The following PARD3B variants were observed in gnomAD, a reference collection of about 807,000 sequenced individuals.
PARD3B encodes the protein par-3 family cell polarity regulator beta.
Under a neutral mutation model 130.2 loss-of-function variants are expected in PARD3B, and 103 were observed. That is an observed-to-expected ratio of 0.79 (90% CI 0.67 to 0.93). The LOEUF (loss-of-function observed/expected upper bound fraction) is 0.93. Among genes scored for constraint, PARD3B ranks in the 40% least tolerant of loss-of-function variants. The pLI is 0.00. For missense variants in PARD3B, 1,609 were observed against 1,499.2 expected, an observed-to-expected ratio of 1.07 and a Z score of -1.21; for synonymous variants, 583 against 553.2, an observed-to-expected ratio of 1.05 and a Z score of -0.76.
chr2:204,615,186 A>C (rs1343351842), intron 1 of PARD3B, among the ~76,000 whole-genome samples: 2 of 152,180 alleles, frequency 1.3e-5, no homozygotes, highest in Non-Finnish European at 2.9e-5. Context: ...AAAAGGGATG[A>C]ATATTTTCAT....
At chr2:205,212,423 T>A (rs1295882035) in intron 15 of PARD3B, among the ~76,000 whole-genome samples, 1 of 152,112 alleles carries the variant, frequency 6.6e-6, no homozygotes, top group Non-Finnish European at 1.5e-5. Flanking sequence ...ATAGGTCTCA[T>A]CCTTTGAGGA....
At chr2:205,528,684 G>T (rs1205100604) in intron 21 of PARD3B, among the ~76,000 whole-genome samples, 1 of 152,050 alleles carries the variant, frequency 6.6e-6, no homozygotes, top group Non-Finnish European at 1.5e-5. Flanking sequence ...TAGAGACAGG[G>T]TTTGACCATG....
chr2:204,796,938 G>A (rs2042394524), intron 2 of PARD3B, among the ~76,000 whole-genome samples: 1 of 152,084 alleles, frequency 6.6e-6, no homozygotes, highest in South Asian at 2.1e-4. Flanking sequence ...ACTTTGGGAG[G>A]TGGAAGTGGG....
chr2:204,767,273 G>C (rs1167442179), intron 2 of PARD3B, among the ~76,000 whole-genome samples: 2 of 30,382 alleles, frequency 6.6e-5, no homozygotes, highest in African/African-American at 1.2e-4. Context: ...TCTTGCGATA[G>C]TTTACTGAGA....
intron 1 of PARD3B, among the ~76,000 whole-genome samples, chr2:204,681,966 A>G (rs1156894878): frequency 6.6e-6 from 1 of 152,156 alleles, no homozygotes; most frequent in Non-Finnish European, 1.5e-5. Flanking sequence ...ATGATTATGA[A>G]GATTATATTT....
intron 2 of PARD3B, among the ~76,000 whole-genome samples, chr2:204,806,263 A>G (rs2042764695): frequency 1.3e-5 from 2 of 152,226 alleles, no homozygotes; most frequent in Non-Finnish European, 2.9e-5. Context: ...TGGTAACCAA[A>G]AAAGCATGGT....
Position 205,553,308 on chromosome 2 carries a change from G to A in PARD3B, c.3181-16G>A, listed in dbSNP as rs6730102. 0.99 allele frequency: 1,592,002 copies of A among 1,609,342 alleles called. 788,894 individuals are homozygous for A. The highest frequency in any genetic ancestry group is 1 in the East Asian group (44,778 of 44,778). ...GTATAATGGATCTTCATCTCTAATT[G>A]CTTTTCTCTCCACAGGTGCCTGGAA... On this transcript the variant is annotated splice_polypyrimidine_tract_variant and intron_variant, in intron 21 of 22. Coordinates refer to ENST00000406610, the MANE Select transcript of PARD3B (RefSeq NM_001302769.2).
chr2:204,926,538 G>A (rs1158083988), intron 2 of PARD3B, among the ~76,000 whole-genome samples: 1 of 152,034 alleles, frequency 6.6e-6, no homozygotes, highest in Non-Finnish European at 1.5e-5. Flanking sequence ...TACACAGCTA[G>A]AAGCCCCAGC....
chr2:204,851,001 T>C (rs957377787), intron 2 of PARD3B, among the ~76,000 whole-genome samples: 18 of 152,162 alleles, frequency 1.2e-4, no homozygotes, highest in African/African-American at 4.1e-4. Context: ...GGTTTATAGA[T>C]TGTACTTATA....
intron 22 of PARD3B, among the ~76,000 whole-genome samples, chr2:205,612,039 T>G (rs1193413680): frequency 6.6e-6 from 1 of 152,124 alleles, no homozygotes; most frequent in Non-Finnish European, 1.5e-5. Context: ...AACACTAAAT[T>G]TCACACAAAT....
intron 19 of PARD3B, among the ~76,000 whole-genome samples, chr2:205,439,215 G>C (rs944905484): frequency 6.6e-6 from 1 of 152,022 alleles, no homozygotes; most frequent in Non-Finnish European, 1.5e-5. Flanking sequence ...CTGGCCTCCC[G>C]TATGTCTCCA....
intron 19 of PARD3B, among the ~76,000 whole-genome samples, chr2:205,435,736 C>T (rs1180826674): frequency 6.6e-6 from 1 of 152,034 alleles, no homozygotes; most frequent in East Asian, 1.9e-4. Context: ...TCCCAAATTA[C>T]TTCCTTATTA....
intron 2 of PARD3B, among the ~76,000 whole-genome samples, chr2:204,936,569 CTA>C (rs1368389459): frequency 1.3e-5 from 2 of 152,020 alleles, no homozygotes; most frequent in Non-Finnish European, 2.9e-5. Flanking sequence ...TATTATTGTC[CTA>C]CTTTTACAGA....
At chr2:205,544,628 A>G (rs1011596030) in intron 21 of PARD3B, among the ~76,000 whole-genome samples, 1 of 152,212 alleles carries the variant, frequency 6.6e-6, no homozygotes, top group African/African-American at 2.4e-5. Context: ...AGTTCAGGTT[A>G]TTAAGATGCC....
At chr2:205,246,758 AT>A (rs1208980691) in intron 16 of PARD3B, among the ~76,000 whole-genome samples, 1 of 152,010 alleles carries the variant, frequency 6.6e-6, no homozygotes, top group African/African-American at 2.4e-5. Context: ...CAAGATTATG[AT>A]TTTTTTCCTT....
Position 205,128,879 on chromosome 2 carries a change from G to C in PARD3B, c.1434+3142G>C, listed in dbSNP as rs1324922867. The stretch of plus-strand genomic sequence containing the variant: ...GTTAAAAACAACATTTTTATAACCA[G>C]TCAAATTGATAAGGGAGGCAGCTGT... On this transcript the variant is annotated intron_variant, in intron 10 of 22. Transcript: ENST00000406610. The surrounding 1 kb of genome is among the most constrained non-coding windows in gnomAD (Gnocchi z 4.5). 6.6e-6 allele frequency among the ~76,000 whole-genome samples: 1 copy of C among 152,060 alleles called. No individual in the cohort carries two copies. Among genetic ancestry groups the C allele is most frequent in the Admixed American group, 6.5e-5 (1 of 15,270 alleles).
At position 205,175,901 on chromosome 2, in the gene PARD3B, G is replaced by T. The variant is rs372265736; in HGVS notation, c.1792-544G>T. Reference sequence around the variant, plus strand: ...CAAAATAGGAAGGGGAAATATAGGGGGGGAACCCTCAGGAGAACTGCTGTC... The same window carrying T: ...CAAAATAGGAAGGGGAAATATAGGGTGGGAACCCTCAGGAGAACTGCTGTC... On this transcript the variant is annotated intron_variant, in intron 12 of 22. Coordinates refer to ENST00000406610, the MANE Select transcript of PARD3B (RefSeq NM_001302769.2). 9.3e-3 allele frequency among the ~76,000 whole-genome samples: 1,410 copies of T among 152,264 alleles called. 21 individuals carry two copies. Among genetic ancestry groups the T allele is most frequent in the African/African-American group, 0.032 (1,323 of 41,542 alleles).
chr2:205,354,305 A>C (rs961243981), intron 18 of PARD3B, among the ~76,000 whole-genome samples: 1 of 151,988 alleles, frequency 6.6e-6, no homozygotes, highest in African/African-American at 2.4e-5. Flanking sequence ...CAGGGAACCA[A>C]GAAATGGAGC....
At chr2:205,508,518 G>A (rs1042380348) in intron 21 of PARD3B, among the ~76,000 whole-genome samples, 1 of 150,336 alleles carries the variant, frequency 6.7e-6, no homozygotes, top group African/African-American at 2.5e-5. Context: ...GCTGCAGAGA[G>A]CCATAATCAT....
Sources: gnomAD v4.1 joint callset for allele counts (sites outside exome capture counted in the v4.1 genomes callset) on GRCh38, gnomAD v4.1.1 for gene constraint, Gnocchi (gnomAD v3.1) non-coding constraint, MANE v1.5 for transcripts, NCBI Gene and HGNC (gene_info 2026-07-23, HGNC 2026-07-21) for gene names.